Variants in RCOR1 observed in about 807,000 individuals in gnomAD.
RCOR1 encodes REST corepressor.
In RCOR1, 12 loss-of-function variants were observed where a neutral mutation model predicts 64.0. The observed-to-expected ratio is 0.19, with a 90% CI of 0.12 to 0.30. RCOR1 has a LOEUF of 0.30. Among genes scored for constraint, RCOR1 ranks in the 10% least tolerant of loss-of-function variants. The pLI, the probability that RCOR1 is intolerant of heterozygous loss-of-function variation, is 1.00. For missense variants in RCOR1, 502 were observed against 621.2 expected (o/e 0.81, Z 2.04); for synonymous variants, 279 against 227.2 (o/e 1.23, Z -2.05).
intron 3 of RCOR1, among the ~76,000 whole-genome samples, 185 bp from the exon 4 acceptor site, chr14:102,701,093 C>T (rs774028399): frequency 2.6e-5 from 4 of 152,182 alleles, no homozygotes; most frequent in Admixed American, 2.0e-4. Flanking sequence ...ATTCAGTTAC[C>T]TCCAGTTGGG....
At chr14:102,597,628 CTTTTTTT>C (rs57656879) in intron 2 of RCOR1, among the ~76,000 whole-genome samples, 7 of 44,990 alleles carry the variant, frequency 1.6e-4, no homozygotes, top group East Asian at 8.0e-4. Context: ...TGCGCCCGAC[CTTTTTTT>C]TTTTTTTTTT....
chr14:102,601,770 A>G (rs183830012), intron 2 of RCOR1, among the ~76,000 whole-genome samples: 20 of 152,306 alleles, frequency 1.3e-4, no homozygotes, highest in Non-Finnish European at 2.8e-4. Flanking sequence ...GTGCTGTAGT[A>G]GATTTCTGGT....
intron 2 of RCOR1, among the ~76,000 whole-genome samples, chr14:102,638,546 A>G (rs1341716447): frequency 6.6e-6 from 1 of 152,030 alleles, no homozygotes; most frequent in African/African-American, 2.4e-5. Flanking sequence ...GGGTTTTGCC[A>G]TGTTGGCCAG....
chr14:102,624,101 C>T (rs1473335157), intron 2 of RCOR1, among the ~76,000 whole-genome samples: 1 of 152,118 alleles, frequency 6.6e-6, no homozygotes, highest in Non-Finnish European at 1.5e-5. Flanking sequence ...GAGGCTGAGG[C>T]AGGAGAATGA....
At chr14:102,618,976 A>G (rs779917372) in intron 2 of RCOR1, among the ~76,000 whole-genome samples, 1 of 152,178 alleles carries the variant, frequency 6.6e-6, no homozygotes, top group Non-Finnish European at 1.5e-5. Flanking sequence ...TTGTTTGCGA[A>G]GTCAGGAGTA....
intron 2 of RCOR1, among the ~76,000 whole-genome samples, chr14:102,638,824 G>A (rs1186319927): frequency 2.6e-5 from 4 of 151,216 alleles, no homozygotes; most frequent in Admixed American, 6.6e-5. Context: ...CACCACATCC[G>A]GGTAATGTTT....
At chr14:102,682,439 A>G (rs1321456870) in intron 3 of RCOR1, among the ~76,000 whole-genome samples, 1 of 152,158 alleles carries the variant, frequency 6.6e-6, no homozygotes, top group Non-Finnish European at 1.5e-5. Flanking sequence ...GATCTGTTCC[A>G]TTTTTGAACA....
intron 3 of RCOR1, among the ~76,000 whole-genome samples, chr14:102,692,156 A>G (rs986309370): frequency 3.3e-5 from 5 of 152,226 alleles, no homozygotes; most frequent in Non-Finnish European, 7.3e-5. Context: ...GTTATGAAAC[A>G]AATATTCCCA....
intron 2 of RCOR1, among the ~76,000 whole-genome samples, chr14:102,667,704 G>A (rs893744086): frequency 5.9e-5 from 9 of 152,154 alleles, no homozygotes; most frequent in African/African-American, 2.2e-4. Flanking sequence ...AAAAGTCGAA[G>A]AGATTAGTGG....
chr14:102,669,848 T>C (rs1894996254), intron 2 of RCOR1, among the ~76,000 whole-genome samples: 1 of 152,196 alleles, frequency 6.6e-6, no homozygotes, highest in African/African-American at 2.4e-5. Flanking sequence ...TTTGGAGTCA[T>C]AAAACGTTTT....
chr14:102,605,623 A>G (rs1467346486), intron 2 of RCOR1, among the ~76,000 whole-genome samples: 2 of 152,226 alleles, frequency 1.3e-5, no homozygotes, highest in Non-Finnish European at 2.9e-5. Context: ...TGTATAGTAC[A>G]TAGTACTTGG....
chr14:102,602,668 A>G (rs1893428267), intron 2 of RCOR1, among the ~76,000 whole-genome samples: 1 of 151,916 alleles, frequency 6.6e-6, no homozygotes, highest in South Asian at 2.1e-4. Flanking sequence ...CGGCCTCCCA[A>G]AGTCCTAGGA....
intron 2 of RCOR1, among the ~76,000 whole-genome samples, chr14:102,642,389 G>A (rs1894386992): frequency 6.6e-6 from 1 of 152,206 alleles, no homozygotes; most frequent in South Asian, 2.1e-4. Context: ...TTGAAGCGCA[G>A]TTCAGTTCCA....
rs1343785619 is a variant in RCOR1 at position 102,632,697 on chromosome 14, C to CT, written c.361+39375dup. 4.7e-3 allele frequency among the ~76,000 whole-genome samples: 427 copies of CT among 90,956 alleles called. 2 individuals are homozygous for CT. The highest frequency in any genetic ancestry group is 7.0e-3 in the Middle Eastern group (1 of 142). 59.7% of individuals were successfully genotyped at this position (90,956 alleles called of 152,430 possible). On this transcript the variant is annotated intron_variant, in intron 2 of 11. Coordinates refer to ENST00000262241, the MANE Select transcript of RCOR1 (RefSeq NM_015156.4). ...TCCTTTCCTTTTCCTTTTCCTTTTC[C>CT]TTTCCTTTCCTTTTCCTTTCCTTTC...
chr14:102,605,274 CT>C (rs2139884011), intron 2 of RCOR1, among the ~76,000 whole-genome samples: 1 of 152,164 alleles, frequency 6.6e-6, no homozygotes, highest in South Asian at 2.1e-4. Context: ...GCTTGGTTGC[CT>C]GGGGACAAAT....
At chr14:102,639,660 A>G (rs1040508385) in intron 2 of RCOR1, among the ~76,000 whole-genome samples, 5 of 148,878 alleles carry the variant, frequency 3.4e-5, no homozygotes, top group East Asian at 2.0e-4. Flanking sequence ...CAGCCTCCCT[A>G]GTAGCTGGGA....
Position 102,616,981 on chromosome 14 carries a change from A to C in RCOR1, c.361+23656A>C, listed in dbSNP as rs185724615. ...TCAACTCATTGGCATACAAAAAGAC[A>C]CATTACTTTGAAGATACCGAGGATT... On this transcript the variant is annotated intron_variant, in intron 2 of 11. Transcript: ENST00000262241. 1.1e-4 allele frequency among the ~76,000 whole-genome samples: 17 copies of C among 152,344 alleles called. No individual in the cohort carries two copies. The East Asian group carries it at 2.3e-3, about 21-fold the overall frequency.
chr14:102,682,386 T>C (rs1047362599), intron 3 of RCOR1, among the ~76,000 whole-genome samples: 2 of 152,222 alleles, frequency 1.3e-5, no homozygotes, highest in African/African-American at 4.8e-5. Flanking sequence ...TGCCATGGCC[T>C]CCCAAAATGT....
At chr14:102,676,219 C>T (rs372982158) in intron 2 of RCOR1, among the ~76,000 whole-genome samples, 2 of 150,202 alleles carry the variant, frequency 1.3e-5, no homozygotes, top group Non-Finnish European at 3.0e-5. Context: ...CCCAATGAGC[C>T]GCTGGGCACA....
Sources: gnomAD v4.1 joint callset for allele counts (sites outside exome capture counted in the v4.1 genomes callset) on GRCh38, gnomAD v4.1.1 for gene constraint, MANE v1.5 for transcripts, NCBI Gene and HGNC (gene_info 2026-07-23, HGNC 2026-07-21) for gene names.